Variants in DPYD observed in about 807,000 individuals in gnomAD.
The protein encoded by DPYD is dihydropyrimidine dehydrogenase [NADP(+)].
A neutral mutation model predicts 116.2 loss-of-function variants in DPYD; 109 were observed. The ratio of observed to expected loss-of-function variants is 0.94; its 90% confidence interval spans 0.80 to 1.10. The LOEUF (loss-of-function observed/expected upper bound fraction) is 1.10, where lower values mean the gene tolerates loss of function less well. DPYD is among the 50% of genes least tolerant of loss of function. The pLI, the probability that DPYD is intolerant of heterozygous loss-of-function variation, is 0.00. For synonymous variants in DPYD, 440 were observed against 432.0 expected (o/e 1.02, Z -0.23); for missense variants, 1,302 against 1,254.5 (o/e 1.04, Z -0.57).
At chr1:97,819,617 T>C (rs1035081610) in intron 3 of DPYD, among the ~76,000 whole-genome samples, 22 of 152,082 alleles carry the variant, frequency 1.4e-4, no homozygotes, top group Admixed American at 3.3e-4. Flanking sequence ...TTATTTATTT[T>C]ATATTCTTCT....
chr1:97,919,805 A>T (rs1032466343), intron 1 of DPYD, among the ~76,000 whole-genome samples: 2 of 152,238 alleles, frequency 1.3e-5, no homozygotes, highest in African/African-American at 2.4e-5. Flanking sequence ...GGCTCTTGTT[A>T]CTAAAATGAT....
chr1:97,844,648 C>G (rs1296816923), intron 2 of DPYD, among the ~76,000 whole-genome samples: 1 of 152,136 alleles, frequency 6.6e-6, no homozygotes, highest in African/African-American at 2.4e-5. Flanking sequence ...GGAAGCATGG[C>G]CAGCGCTACA....
chr1:97,623,962 A>T (rs939974810), intron 8 of DPYD, among the ~76,000 whole-genome samples: 20 of 151,944 alleles, frequency 1.3e-4, no homozygotes, highest in Admixed American at 1.3e-3. Context: ...CTTGCACCAT[A>T]TAAAAAACCA....
At chr1:97,871,164 AAT>A (rs1671641031) in intron 2 of DPYD, among the ~76,000 whole-genome samples, 1 of 151,942 alleles carries the variant, frequency 6.6e-6, no homozygotes, top group Non-Finnish European at 1.5e-5. Flanking sequence ...TTTTCATAGA[AAT>A]AGTCTTAACA....
intron 16 of DPYD, among the ~76,000 whole-genome samples, chr1:97,361,878 CT>C (rs1234171356): frequency 6.6e-6 from 1 of 152,206 alleles, no homozygotes; most frequent in Non-Finnish European, 1.5e-5. Context: ...GAAGCATTCC[CT>C]TTGAAAACTG....
intron 8 of DPYD, among the ~76,000 whole-genome samples, chr1:97,660,864 T>C (rs1402767188): frequency 6.6e-6 from 1 of 152,190 alleles, no homozygotes; most frequent in Non-Finnish European, 1.5e-5. Context: ...GGTCTCTTCC[T>C]GTTTTGCTCA....
intron 14 of DPYD, among the ~76,000 whole-genome samples, chr1:97,402,288 G>A (rs1463167691): frequency 2.0e-5 from 3 of 152,144 alleles, no homozygotes; most frequent in African/African-American, 7.2e-5. Context: ...GTTCTTGTTT[G>A]ATTTTGTCCA....
intron 8 of DPYD, among the ~76,000 whole-genome samples, chr1:97,600,733 T>C (rs1655196735): frequency 6.6e-6 from 1 of 152,206 alleles, no homozygotes; most frequent in African/African-American, 2.4e-5. Context: ...TAATTTTCTT[T>C]GCTTCCTTAA....
intron 7 of DPYD, among the ~76,000 whole-genome samples, chr1:97,684,753 G>A (rs1053126524): frequency 2.0e-5 from 3 of 152,030 alleles, no homozygotes; most frequent in Non-Finnish European, 2.9e-5. Context: ...AGAAGAAATG[G>A]ATAAATTCCT....
intron 18 of DPYD, among the ~76,000 whole-genome samples, chr1:97,240,593 A>C (rs951866524): frequency 6.6e-6 from 1 of 152,064 alleles, no homozygotes; most frequent in Non-Finnish European, 1.5e-5. Context: ...CTGTGTATGC[A>C]AAAAGAAAAT....
At position 97,360,738 on chromosome 1, in the gene DPYD, G is replaced by A. The variant is rs555228071; in HGVS notation, c.2058+12823C>T. On this transcript the variant is annotated intron_variant, in intron 16 of 22. Coordinates refer to ENST00000370192, the MANE Select transcript of DPYD (RefSeq NM_000110.4). ...ATAACGAAATTAAGGCAGAAATAAA[G>A]ATGTTCTTTGAAACCAATGAGAACA... Among the ~76,000 whole-genome samples the A allele has an allele frequency of 2.2e-3, 337 of 152,256 alleles. 4 individuals carry two copies. The highest frequency in any genetic ancestry group is 7.7e-3 in the African/African-American group (320 of 41,554).
At chr1:97,308,218 T>C (rs555558244) in intron 16 of DPYD, among the ~76,000 whole-genome samples, 71 of 151,952 alleles carry the variant, frequency 4.7e-4, no homozygotes, top group African/African-American at 1.6e-3. Context: ...TGGAATTTGT[T>C]CAAAGTTTTT....
chr1:97,909,417 T>C (rs1179540232), intron 1 of DPYD, among the ~76,000 whole-genome samples: 1 of 152,132 alleles, frequency 6.6e-6, no homozygotes, highest in East Asian at 1.9e-4. Flanking sequence ...ACCTGCTCTG[T>C]TATCCCTCTC....
At chr1:97,880,071 TAGAG>T (rs1183990226) in intron 2 of DPYD, among the ~76,000 whole-genome samples, 7 of 151,660 alleles carry the variant, frequency 4.6e-5, no homozygotes, top group South Asian at 4.2e-4. Context: ...AATATATAGA[TAGAG>T]AGACAGTAAT....
chr1:97,082,394 A>G lies in DPYD; in HGVS notation c.2843T>C (p.Ile948Thr), dbSNP rs372307932. The G allele has an allele frequency of 4.3e-6, 7 of 1,613,674 alleles. No homozygotes were observed. Among genetic ancestry groups the G allele is most frequent in the East Asian group, 2.2e-5 (1 of 44,836 alleles). Reference sequence around the variant, plus strand: ...ACAGTTGATACACATTTCTTCATCAATCATAGCCACAACTTGCTCTACGTT... The same window carrying G: ...ACAGTTGATACACATTTCTTCATCAGTCATAGCCACAACTTGCTCTACGTT... ...LSNVEQVVAM[I>T]DEEMCINCGK... Residue 948 changes from isoleucine (I) to threonine (T), a missense_variant, in exon 22 of 23, where the codon ATT becomes ACT. Ile to Thr is a moderately conservative substitution (Grantham distance 89, BLOSUM62 -1). Transcript: ENST00000370192.
At chr1:97,376,744 C>T (rs1189459667) in intron 15 of DPYD, among the ~76,000 whole-genome samples, 2 of 152,020 alleles carry the variant, frequency 1.3e-5, no homozygotes, top group Admixed American at 1.3e-4. Flanking sequence ...TTTATTCCAC[C>T]TCACCTAAAT....
At chr1:97,568,058 T>C (rs1320599188) in intron 11 of DPYD, among the ~76,000 whole-genome samples, 1 of 152,044 alleles carries the variant, frequency 6.6e-6, no homozygotes, top group Non-Finnish European at 1.5e-5. Context: ...ACATTAGAAT[T>C]GATAATAGTT....
intron 20 of DPYD, among the ~76,000 whole-genome samples, chr1:97,169,004 G>A (rs1656526189): frequency 6.6e-6 from 1 of 151,866 alleles, no homozygotes; most frequent in African/African-American, 2.4e-5. Flanking sequence ...CCACCACCAT[G>A]CCCAGTTAAT....
At chr1:97,355,588 C>T (rs1670388610) in intron 16 of DPYD, among the ~76,000 whole-genome samples, 1 of 152,146 alleles carries the variant, frequency 6.6e-6, no homozygotes, top group South Asian at 2.1e-4. Context: ...TCTCCCCACC[C>T]CGAGCTTCTG....
Sources: allele counts gnomAD v4.1 joint callset (sites outside exome capture counted in the v4.1 genomes callset), GRCh38; gene constraint gnomAD v4.1.1; transcripts MANE v1.5; gene names NCBI Gene and HGNC (gene_info 2026-07-23, HGNC 2026-07-21).